Variants in TEX9 observed in about 807,000 individuals in gnomAD.
TEX9 encodes testis-expressed protein 9.
In TEX9, 74 loss-of-function variants were observed where a neutral mutation model predicts 59.6. The observed-to-expected ratio is 1.24, with a 90% CI of 1.03 to 1.51. The LOEUF (loss-of-function observed/expected upper bound fraction) is 1.51, where lower values mean the gene tolerates loss of function less well. TEX9 is among the 40% of genes most tolerant of loss of function. TEX9 has a pLI of 0.00. For synonymous variants in TEX9, 186 were observed against 152.2 expected (o/e 1.22, Z -1.64); for missense variants, 522 against 447.8 (o/e 1.17, Z -1.49).
At chr15:56,337,590 G>T (rs1488425533) in intron 1 of TEX9, among the ~76,000 whole-genome samples, 1 of 152,110 alleles carries the variant, frequency 6.6e-6, no homozygotes, top group East Asian at 1.9e-4. Context: ...AGGCACCAGG[G>T]AAGACCCCTT....
At chr15:56,340,234 T>A (rs1431972275) in intron 1 of TEX9, among the ~76,000 whole-genome samples, 1 of 152,204 alleles carries the variant, frequency 6.6e-6, no homozygotes, top group African/African-American at 2.4e-5. Flanking sequence ...TGCCAATTGC[T>A]AAGTATATCC....
intron 1 of TEX9, among the ~76,000 whole-genome samples, chr15:56,285,419 A>G (rs1348988857): frequency 6.6e-6 from 1 of 152,174 alleles, no homozygotes; most frequent in Non-Finnish European, 1.5e-5. Flanking sequence ...CCCTAAGGGT[A>G]TAGCTTTTTG....
chr15:56,389,619 C>T (rs28714692), intron 6 of TEX9, among the ~76,000 whole-genome samples: 4,791 of 151,740 alleles, frequency 0.032, 197 homozygotes, highest in East Asian at 0.096. Flanking sequence ...TTCTCTTAAG[C>T]AAAATTGCTA....
intron 1 of TEX9, among the ~76,000 whole-genome samples, chr15:56,328,025 A>AT (rs2046061357): frequency 6.6e-6 from 1 of 151,946 alleles, no homozygotes; most frequent in African/African-American, 2.4e-5. Flanking sequence ...GGGAGTGCTT[A>AT]TGCCACCCCT....
intron 12 of TEX9, among the ~76,000 whole-genome samples, chr15:56,434,623 A>G (rs898579994): frequency 2.6e-5 from 4 of 152,124 alleles, no homozygotes; most frequent in African/African-American, 4.8e-5. Context: ...TTTAATTTAT[A>G]TTTACCATCT....
chr15:56,459,286 A>C, the TEX9 span, among the ~76,000 whole-genome samples: 13 of 152,234 alleles, frequency 8.5e-5, no homozygotes, highest in African/African-American at 2.9e-4. Flanking sequence ...AGCATGTATC[A>C]GTAATTCATT....
chr15:56,356,776 T>A (rs1373848710), intron 1 of TEX9, among the ~76,000 whole-genome samples: 1 of 152,186 alleles, frequency 6.6e-6, no homozygotes, highest in African/African-American at 2.4e-5. Flanking sequence ...CCTGTCTAGC[T>A]GTTTGACTAG....
At chr15:56,261,735 A>C (rs1450422665) in intron 1 of TEX9, among the ~76,000 whole-genome samples, 1 of 152,038 alleles carries the variant, frequency 6.6e-6, no homozygotes, top group African/African-American at 2.4e-5. Context: ...AAAATTATTA[A>C]CTGTACCAGG....
intron 2 of TEX9, among the ~76,000 whole-genome samples, 177 bp from the exon 3 acceptor site, chr15:56,373,264 A>G (rs2047272261): frequency 1.3e-5 from 2 of 152,230 alleles, no homozygotes. Flanking sequence ...ACAAGGAAGG[A>G]GGAATCATGG....
intron 1 of TEX9, among the ~76,000 whole-genome samples, chr15:56,262,003 G>A (rs933642825): frequency 6.6e-6 from 1 of 152,142 alleles, no homozygotes; most frequent in African/African-American, 2.4e-5. Context: ...CATTCATGGG[G>A]AGATGTCTCA....
exon 1 of TEX9, chr15:56,365,459 G>T: frequency 1.2e-6 from 2 of 1,612,814 alleles, no homozygotes; most frequent in East Asian, 2.2e-5. Context: ...AGATGGCGGG[G>T]CGAAGTCTGT....
At chr15:56,394,969 A>G in intron 9 of TEX9, 135 bp downstream of exon 9, 1 of 865,332 alleles carries the variant, frequency 1.2e-6, no homozygotes, top group Non-Finnish European at 1.7e-6. Flanking sequence ...CCCCTTACAT[A>G]GAATATTTTT....
At chr15:56,346,605 G>C (rs890285783) in intron 1 of TEX9, among the ~76,000 whole-genome samples, 3 of 152,154 alleles carry the variant, frequency 2.0e-5, no homozygotes, top group African/African-American at 7.2e-5. Flanking sequence ...CATCTTGATT[G>C]ATAACACATT....
intron 1 of TEX9, among the ~76,000 whole-genome samples, chr15:56,331,659 T>C (rs1223716458): frequency 6.6e-6 from 1 of 151,838 alleles, no homozygotes; most frequent in Non-Finnish European, 1.5e-5. Flanking sequence ...AAAGCAGTAC[T>C]AAGAGGGAAT....
chr15:56,309,187 G>A (rs1307470843), intron 1 of TEX9, among the ~76,000 whole-genome samples: 1 of 152,128 alleles, frequency 6.6e-6, no homozygotes, highest in African/African-American at 2.4e-5. Context: ...TATGACACTA[G>A]CTGTAGGTTT....
intron 10 of TEX9, among the ~76,000 whole-genome samples, chr15:56,416,932 T>C (rs1430122689): frequency 2.0e-5 from 3 of 151,818 alleles, no homozygotes; most frequent in African/African-American, 7.3e-5. Flanking sequence ...GGTTCAGTCC[T>C]GGGAGGGTGT....
intron 1 of TEX9, among the ~76,000 whole-genome samples, chr15:56,257,326 G>C (rs1264884339): frequency 6.6e-6 from 1 of 151,998 alleles, no homozygotes; most frequent in Non-Finnish European, 1.5e-5. Flanking sequence ...AAATTGTTGG[G>C]CTGAATGTTA....
At chr15:56,327,341 A>G (rs1339823699) in intron 1 of TEX9, among the ~76,000 whole-genome samples, 1 of 152,194 alleles carries the variant, frequency 6.6e-6, no homozygotes, top group Non-Finnish European at 1.5e-5. Flanking sequence ...TCATTGAACA[A>G]TGAATCCTTA....
At chr15:56,380,596 G>A (rs1159359696) in intron 3 of TEX9, among the ~76,000 whole-genome samples, 2 of 152,096 alleles carry the variant, frequency 1.3e-5, no homozygotes, top group African/African-American at 2.4e-5. Context: ...TTGTAGGACA[G>A]GTCTAGTGTT....
Sources: gnomAD v4.1 joint callset for allele counts (sites outside exome capture counted in the v4.1 genomes callset) on GRCh38, gnomAD v4.1.1 for gene constraint, MANE v1.5 for transcripts, NCBI Gene and HGNC (gene_info 2026-07-23, HGNC 2026-07-21) for gene names.